PDE4C: variants seen among roughly 807,000 people sequenced by gnomAD.
PDE4C encodes 3',5'-cyclic-AMP phosphodiesterase 4C.
Under a neutral mutation model 63.9 loss-of-function variants are expected in PDE4C, and 50 were observed. The ratio of observed to expected loss-of-function variants is 0.78; its 90% CI spans 0.62 to 0.99. The LOEUF (loss-of-function observed/expected upper bound fraction) is 0.99, where lower values mean the gene tolerates loss of function less well. Ranked by LOEUF, PDE4C falls within the 50% of genes least tolerant of loss-of-function variation. The pLI, the probability that PDE4C is intolerant of heterozygous loss-of-function variation, is 0.00. For synonymous variants in PDE4C, 377 were observed against 385.1 expected, an observed-to-expected ratio of 0.98 and a Z score of 0.25; for missense variants, 777 against 899.1, an observed-to-expected ratio of 0.86 and a Z score of 1.74.
chr19:18,212,689 GT>G (rs1968011142), intron 13 of PDE4C, among the ~76,000 whole-genome samples: 1 of 150,102 alleles, frequency 6.7e-6, no homozygotes, highest in Non-Finnish European at 1.5e-5. Context: ...TTGTTTGTTT[GT>G]TTTGGCTTGT....
intron 1 of PDE4C, among the ~76,000 whole-genome samples, chr19:18,240,684 T>C (rs975889726): frequency 6.6e-6 from 1 of 151,908 alleles, no homozygotes; most frequent in Non-Finnish European, 1.5e-5. Context: ...GCCGAGATCA[T>C]GCCACTGCAC....
rs754384011 is a variant in PDE4C, at chr19:18,221,185, G to T, written c.376-7C>A. ...TCCGCAGACTGGCCAGGACCTGTTG[G>T]GAGGAGGTGGTAGGCGGTGGGAAGG... On this transcript the variant is annotated splice_region_variant and splice_polypyrimidine_tract_variant and intron_variant, in intron 3 of 14. Coordinates refer to ENST00000262805, the Ensembl canonical transcript of PDE4C. The T allele has an allele frequency of 2.2e-5, 35 of 1,571,708 alleles. No homozygotes were observed. Among genetic ancestry groups the T allele is most frequent in the Non-Finnish European group, 2.5e-5 (29 of 1,165,058 alleles).
chr19:18,221,049 T>TCCGCCAGGCCCACCCCACC, intron 4 of PDE4C, 56 bp downstream of exon 4: 1 of 1,239,970 alleles, frequency 8.1e-7, no homozygotes, highest in Non-Finnish European at 1.1e-6. Context: ...CAGCCCGCTT[T>TCCGCCAGGCCCACCCCACC]CCGCCCACCT....
rs1443881924 is a variant in PDE4C at position 18,210,946 on chromosome 19, C to T, written c.2026G>A (p.Asp676Asn). 8.7e-6 allele frequency: 14 copies of T among 1,609,380 alleles called. No homozygotes were observed. Among genetic ancestry groups the T allele is most frequent in the South Asian group, 3.3e-5 (3 of 90,394 alleles). The change falls in exon 15 of 15, where the codon GAC becomes AAC. Residue 676 changes from aspartate (D) to asparagine (N), a missense_variant. Physicochemically the swap from Asp to Asn is conservative, Grantham distance 23. Transcript: ENST00000262805. Reference sequence around the variant, plus strand: ...GGCTGGCCCTAAGTCCTCTGGTTGTCGAGGGGTAAGTCCCCAGGGTCTGGG... The same window carrying T: ...GGCTGGCCCTAAGTCCTCTGGTTGTTGAGGGGTAAGTCCCCAGGGTCTGGG...
chr19:18,229,223 A>G (rs1191756173), upstream of PDE4C, among the ~76,000 whole-genome samples: 1 of 148,856 alleles, frequency 6.7e-6, no homozygotes, highest in Non-Finnish European at 1.5e-5. Context: ...TGCTGGGATT[A>G]CAGGCGTGAG....
At chr19:18,210,619 G>A (rs750405787) in exon 15 of PDE4C, 11 of 278,098 alleles carry the variant, frequency 4.0e-5, no homozygotes, top group Admixed American at 1.9e-4. Flanking sequence ...CACTGGAGAG[G>A]GTGGACTAGA....
chr19:18,237,382 C>T (rs1438366583), upstream of PDE4C, among the ~76,000 whole-genome samples: 1 of 151,542 alleles, frequency 6.6e-6, no homozygotes, highest in South Asian at 2.1e-4. Flanking sequence ...AGAAACCCCA[C>T]CTCTACTAAA....
chr19:18,252,061 C>T (rs1969236381), upstream of PDE4C: 1 of 398,798 alleles, frequency 2.5e-6, no homozygotes, highest in Non-Finnish European at 4.4e-6. Context: ...TCTTAATACT[C>T]ACCTGGGCCA....
chr19:18,226,369 G>A (rs576347135), exon 1 of PDE4C: 3 of 1,495,660 alleles, frequency 2.0e-6, no homozygotes, highest in East Asian at 5.4e-5. Flanking sequence ...GGATCCCCGA[G>A]GGGAGCCGGG....
At chr19:18,226,605 C>CTTT (rs34009293), upstream of PDE4C, 778 of 203,806 alleles carry the variant, frequency 3.8e-3, 9 homozygotes, top group African/African-American at 0.013. Flanking sequence ...CTCTCTGCTC[C>CTTT]TTTTTTTTTT....
chr19:18,211,718 TCCTC>T lies in PDE4C; in HGVS notation c.1695+37_1695+40del, dbSNP rs1039315503. The T allele has an allele frequency of 2.5e-6, 4 of 1,606,748 alleles. No homozygotes were observed. The African/African-American group carries it at 4.0e-5, about 16-fold the overall frequency. ...GGTTGGCTCAGCCCCTCCTTTTACT[TCCTC>T]CCAGTGTCTACCGGTTCAGCCCAGT... On this transcript the variant is annotated intron_variant, in intron 14 of 14. Coordinates refer to ENST00000262805, the Ensembl canonical transcript of PDE4C.
At chr19:18,255,151 A>T in the PDE4C span, 17 of 397,682 alleles carry the variant, frequency 4.3e-5, no homozygotes, top group Non-Finnish European at 7.1e-5. The surrounding 1 kb of genome is among the most constrained non-coding windows in gnomAD (Gnocchi z 4.6). Flanking sequence ...CAGGTGTGTG[A>T]CTGGGCTGTG....
Position 18,220,093 on chromosome 19 carries a change from C to A in PDE4C, c.706+133G>T, listed in dbSNP as rs753251171. ...CCCCTTGTTCCTCCCTCTGATCCAG[C>A]CCTGACTCATGGGGGCTGAAGGTGT... On this transcript the variant is annotated intron_variant, in intron 7 of 14. Coordinates refer to ENST00000262805, the Ensembl canonical transcript of PDE4C. The surrounding 1 kb of genome is among the most constrained non-coding windows in gnomAD (Gnocchi z 5.1). The A allele has an allele frequency of 1.2e-4, 86 of 743,984 alleles. No individual in the cohort carries two copies. Among genetic ancestry groups the A allele is most frequent in the Middle Eastern group, 1.1e-3 (3 of 2,612 alleles). The allele number at this position is 743,984 out of a possible 1,614,324, so 46.1% of individuals were successfully genotyped here.
At chr19:18,222,527 G>A (rs1255406359) in intron 1 of PDE4C, among the ~76,000 whole-genome samples, 2 of 151,944 alleles carry the variant, frequency 1.3e-5, no homozygotes, top group African/African-American at 4.8e-5. Flanking sequence ...TGGACTCCAG[G>A]ACCTCAGTTC....
Sources: allele counts gnomAD v4.1 joint callset (sites outside exome capture counted in the v4.1 genomes callset), GRCh38; gene constraint gnomAD v4.1.1; non-coding constraint Gnocchi (gnomAD v3.1); transcripts MANE v1.5; gene names NCBI Gene and HGNC (gene_info 2026-07-23, HGNC 2026-07-21).